The following TACC1 variants were observed in gnomAD, a reference collection of about 807,000 sequenced individuals.
TACC1 encodes the protein transforming acidic coiled-coil containing protein 1, also known as transforming acidic coiled-coil-containing protein 1.
Under a neutral mutation model 84.4 loss-of-function variants are expected in TACC1, and 48 were observed. The ratio of observed to expected loss-of-function variants is 0.57; its 90% CI spans 0.45 to 0.72. The LOEUF is 0.72. Ranked by LOEUF, TACC1 falls within the 30% of genes least tolerant of loss-of-function variation. The pLI, the probability that TACC1 is intolerant of heterozygous loss-of-function variation, is 0.00. For synonymous variants in TACC1, 372 were observed against 376.3 expected (o/e 0.99, Z 0.13); for missense variants, 920 against 973.0 (o/e 0.95, Z 0.72).
chr8:38,831,785 T>C (rs1397132860), intron 6 of TACC1, among the ~76,000 whole-genome samples: 5 of 151,526 alleles, frequency 3.3e-5, no homozygotes, highest in Admixed American at 3.3e-4. Context: ...CATGAGCCCC[T>C]GCACCTGGCT....
intron 3 of TACC1, among the ~76,000 whole-genome samples, chr8:38,763,810 AT>A (rs1435014039): frequency 2.6e-5 from 4 of 151,948 alleles, no homozygotes; most frequent in South Asian, 2.1e-4. Context: ...ACCATAATTC[AT>A]TTTTTTCTAC....
rs1817933988 is a variant in TACC1 at position 38,788,767 on chromosome 8, G to A, written c.225G>A (p.Lys75=). 2 of 1,613,896 alleles carry A rather than the reference G, an allele frequency of 1.2e-6. No individual in the cohort carries two copies. Among genetic ancestry groups the A allele is most frequent in the Non-Finnish European group, 1.7e-6 (2 of 1,179,968 alleles). Residue 75 remains lysine, a synonymous_variant, in exon 2 of 13, where the codon AAG becomes AAA. Transcript: ENST00000317827. ...AAACCCCGATCCGATCACCTTTCAA[G>A]GAGTCCTGTGATCCATCACTCGGAT... ...EAETPIRSPF[K]ESCDPSLGLA...
At chr8:38,818,200 C>T (rs1199552493) in intron 2 of TACC1, among the ~76,000 whole-genome samples, 1 of 152,138 alleles carries the variant, frequency 6.6e-6, no homozygotes, top group Non-Finnish European at 1.5e-5. Flanking sequence ...CAGGCCACTG[C>T]ACTCCAGCCT....
At chr8:38,788,877 CAATG>C in intron 2 of TACC1, 58 bp downstream of exon 2, 1 of 1,376,338 alleles carries the variant, frequency 7.3e-7, no homozygotes, top group Non-Finnish European at 1.0e-6. Context: ...TGAAAAATAT[CAATG>C]AAGGAAGGAA....
intron 1 of TACC1, 34 bp from the exon 2 acceptor site, chr8:38,788,670 A>G: frequency 6.7e-7 from 1 of 1,488,240 alleles, no homozygotes; most frequent in Non-Finnish European, 9.3e-7. Context: ...AATACCGTTG[A>G]AAGTGGTAAT....
At chr8:38,774,272 A>C (rs912803065) in intron 3 of TACC1, among the ~76,000 whole-genome samples, 1 of 152,176 alleles carries the variant, frequency 6.6e-6, no homozygotes, top group African/African-American at 2.4e-5. Context: ...TATTTCATAC[A>C]TGACAATTTA....
Position 38,827,249 on chromosome 8 carries a change from A to G in TACC1, c.1534A>G (p.Thr512Ala), listed in dbSNP as rs1210476400. 8.7e-6 allele frequency: 14 copies of G among 1,614,200 alleles called. No homozygotes were observed. In the African/African-American group the frequency reaches 1.9e-4, roughly 22 times the overall value. Residue 512 changes from threonine (T) to alanine (A), a missense_variant, in exon 5 of 13, where the codon ACG (threonine) becomes GCG (alanine). This residue lies in a region of TACC1 where 762 missense variants were observed against 747.3 expected (regional missense o/e 1.02). Coordinates refer to ENST00000317827, the MANE Select transcript of TACC1 (RefSeq NM_006283.3). ...HATDEEKLAS[T>A]SCGQKSAGAE... ...TACTGATGAGGAGAAACTGGCATCC[A>G]CGTCATGTGGTCAGAAATCAGCTGG...
intron 3 of TACC1, among the ~76,000 whole-genome samples, chr8:38,751,577 A>T (rs558261168): frequency 6.6e-6 from 1 of 151,964 alleles, no homozygotes; most frequent in Non-Finnish European, 1.5e-5. Context: ...TATTGGTGCC[A>T]TTTTTCTAAC....
chr8:38,740,267 G>C (rs1479108619), intron 1 of TACC1, among the ~76,000 whole-genome samples: 2 of 152,164 alleles, frequency 1.3e-5, no homozygotes, highest in Non-Finnish European at 2.9e-5. Flanking sequence ...GAATCCAGGT[G>C]ATCCAGCCAT....
chr8:38,736,185 G>A (rs1206094048), intron 1 of TACC1, among the ~76,000 whole-genome samples: 1 of 151,988 alleles, frequency 6.6e-6, no homozygotes, highest in East Asian at 1.9e-4. Context: ...TGATGCTTGG[G>A]GTTGCATTTA....
intron 2 of TACC1, among the ~76,000 whole-genome samples, chr8:38,808,533 C>A (rs1823299204): frequency 6.6e-6 from 1 of 152,252 alleles, no homozygotes; most frequent in Non-Finnish European, 1.5e-5. Context: ...CCATCTCAGC[C>A]TCCTGAATAG....
At chr8:38,796,095 C>T (rs7010395) in intron 2 of TACC1, among the ~76,000 whole-genome samples, 4,549 of 152,212 alleles carry the variant, frequency 0.03, 222 homozygotes, top group African/African-American at 0.1. Flanking sequence ...CTGTTTCAGC[C>T]GTATTTATTT....
intron 6 of TACC1, 107 bp from the exon 7 acceptor site, chr8:38,836,055 A>G (rs1333473412): frequency 1.3e-5 from 19 of 1,449,370 alleles, no homozygotes; most frequent in Non-Finnish European, 1.8e-5. Flanking sequence ...TTCTTTAAAC[A>G]TGGTTTTAAA....
chr8:38,820,720 G>C, intron 3 of TACC1, 85 bp downstream of exon 3: 1 of 1,525,116 alleles, frequency 6.6e-7, no homozygotes, highest in East Asian at 2.3e-5. Context: ...TTGGTGAACT[G>C]AATTTACCTT....
At chr8:38,786,215 C>G (rs929861114), upstream of TACC1, among the ~76,000 whole-genome samples, 2 of 152,148 alleles carry the variant, frequency 1.3e-5, no homozygotes, top group Admixed American at 6.5e-5. Context: ...GCAATCGATT[C>G]ACTTGGAAGA....
chr8:38,805,423 AGCAGAAGTCCAGCT>A (rs1456178029), intron 2 of TACC1: 1 of 152,312 alleles, frequency 6.6e-6, no homozygotes, highest in Non-Finnish European at 1.5e-5. Context: ...CTCCTTTAAA[AGCAGAAGTCCAGCT>A]GCAGGGTTTT....
At chr8:38,786,087 G>C (rs1817086578), upstream of TACC1, 1 of 152,100 alleles carries the variant, frequency 6.6e-6, no homozygotes, top group South Asian at 2.1e-4. Context: ...GCACATTTTG[G>C]AGCTGCTGTC....
chr8:38,839,635 C>T (rs1006268321), intron 8 of TACC1: 19 of 242,932 alleles, frequency 7.8e-5, no homozygotes, highest in Admixed American at 1.7e-4. Flanking sequence ...CAGGGGAGGA[C>T]GTGATGCGAC....
intron 2 of TACC1, among the ~76,000 whole-genome samples, chr8:38,812,592 C>G: frequency 6.6e-6 from 1 of 152,314 alleles, no homozygotes; most frequent in East Asian, 1.9e-4. Flanking sequence ...TTTTTACACT[C>G]TTTAATCCTT....
Sources: gnomAD v4.1 joint callset for allele counts (sites outside exome capture counted in the v4.1 genomes callset) on GRCh38, gnomAD v4.1.1 for gene constraint, gnomAD v4.1.1 regional missense constraint, MANE v1.5 for transcripts, NCBI Gene and HGNC (gene_info 2026-07-23, HGNC 2026-07-21) for gene names.